CTR9: variants seen among roughly 807,000 people sequenced by gnomAD.
CTR9 encodes the protein RNA polymerase-associated protein CTR9 homolog.
Under a neutral mutation model 152.1 loss-of-function variants are expected in CTR9, and 41 were observed. The ratio of observed to expected loss-of-function variants is 0.27; its 90% CI spans 0.21 to 0.35. The LOEUF (loss-of-function observed/expected upper bound fraction) is 0.35. CTR9 is among the 10% of genes least tolerant of loss of function. The probability of loss-of-function intolerance (pLI) is 1.00; values close to 1 mark genes in which losing one functional copy is unlikely to be tolerated. For synonymous variants in CTR9, 476 were observed against 496.2 expected (o/e 0.96, Z 0.54); for missense variants, 917 against 1,424.4 (o/e 0.64, Z 5.73).
chr11:10,764,278 C>A, intron 10 of CTR9, 30 bp from the exon 11 acceptor site: 2 of 1,613,804 alleles, frequency 1.2e-6, no homozygotes, highest in Non-Finnish European at 1.7e-6. Flanking sequence ...CTTCCACTTA[C>A]ACCTTTTTCT....
At chr11:10,760,457 T>C in intron 6 of CTR9, 136 bp downstream of exon 6, 1 of 770,178 alleles carries the variant, frequency 1.3e-6, no homozygotes, top group South Asian at 2.2e-5. Context: ...CTTTGTAATG[T>C]ATAACACCTA....
Position 10,774,041 on chromosome 11 carries a change from A to AT in CTR9, c.2760dup (p.Val921CysfsTer3). 6.2e-7 allele frequency: 1 copy of AT among 1,612,870 alleles called. No individual in the cohort carries two copies. Among genetic ancestry groups the AT allele is most frequent in the Non-Finnish European group, 8.5e-7 (1 of 1,179,508 alleles). On this transcript the variant is annotated frameshift_variant, in exon 22 of 25. Coordinates refer to ENST00000361367, the MANE Select transcript of CTR9 (RefSeq NM_014633.5). LOFTEE classifies it high-confidence loss of function. The stretch of plus-strand genomic sequence containing the variant: ...CTAAGAAGGGAGGAGAGTTTGATGA[A>AT]TTTGTCAATGATGACACTGATGATG...
chr11:10,761,864 T>C (rs1862983916), intron 6 of CTR9, 83 bp from the exon 7 acceptor site: 6 of 816,238 alleles, frequency 7.4e-6, no homozygotes, highest in South Asian at 3.6e-5. Flanking sequence ...TTATAACTTA[T>C]TTCTTGTGAC....
At chr11:10,776,971 G>GAAAAAAAAAAAA (rs11326865) in intron 24 of CTR9, among the ~76,000 whole-genome samples, 1 of 63,236 alleles carries the variant, frequency 1.6e-5, no homozygotes, top group Non-Finnish European at 2.8e-5. Flanking sequence ...AGACTCTTGT[G>GAAAAAAAAAAAA]AAAAAAAAAA....
intron 7 of CTR9, among the ~76,000 whole-genome samples, chr11:10,762,797 A>G (rs1160804671): frequency 1.3e-5 from 2 of 152,062 alleles, no homozygotes; most frequent in Non-Finnish European, 2.9e-5. Flanking sequence ...TGAGCCCAGG[A>G]GTTCAGGACC....
chr11:10,752,549 C>T (rs1862821509), intron 1 of CTR9, 123 bp from the exon 2 acceptor site: 1 of 674,402 alleles, frequency 1.5e-6, no homozygotes, highest in African/African-American at 1.8e-5. Context: ...ATTAGCTCAA[C>T]CGTATTGAAA....
Position 10,767,658 on chromosome 11 carries a change from C to CAAAA in CTR9, c.1687-140_1687-137dup, listed in dbSNP as rs201006625. 1,087 of 580,126 alleles carry CAAAA rather than the reference C, an allele frequency of 1.9e-3. 12 individuals carry two copies. The African/African-American group carries it at 0.021, about 11-fold the overall frequency. 35.9% of individuals were successfully genotyped at this position (580,126 alleles called of 1,614,324 possible). Reference sequence around the variant, plus strand: ...AGTTCGATAAATTTGGATTGCCATGCAAAAAAAAAAAGAAAGAAAGAAAAG... The same window carrying CAAAA: ...AGTTCGATAAATTTGGATTGCCATGCAAAAAAAAAAAAAAAGAAAGAAAGAAAAG... On this transcript the variant is annotated intron_variant, in intron 13 of 24. Transcript: ENST00000361367. This position sits in a 1 kb window ranked among gnomAD's most constrained non-coding sequence, Gnocchi z 4.0.
chr11:10,751,265 G>A lies in CTR9; in HGVS notation c.-148G>A. The A allele has an allele frequency of 1.3e-6, 1 of 772,546 alleles. No individual in the cohort carries two copies. The allele number at this position is 772,546 out of a possible 1,614,324, so 47.9% of individuals were successfully genotyped here. On this transcript the variant is annotated 5_prime_UTR_variant, in exon 1 of 25. Coordinates refer to ENST00000361367, the MANE Select transcript of CTR9 (RefSeq NM_014633.5). ...CTGCTCGTTGTTTAAGCGGCTGACG[G>A]GAAGGAGAAGCCAGAGCTCCAGCGG...
chr11:10,776,998 C>G (rs980102814), intron 24 of CTR9, among the ~76,000 whole-genome samples: 1 of 117,106 alleles, frequency 8.5e-6, no homozygotes, highest in African/African-American at 3.2e-5. Flanking sequence ...AAAAAAAAAG[C>G]TCACATTATA....
At chr11:10,762,084 T>A in intron 7 of CTR9, 30 bp downstream of exon 7, 1 of 1,410,124 alleles carries the variant, frequency 7.1e-7, no homozygotes, top group Non-Finnish European at 9.8e-7. Context: ...AAATTCTGAT[T>A]TTTGTTTTTC....
intron 1 of CTR9, among the ~76,000 whole-genome samples, chr11:10,752,236 C>T (rs57213042): frequency 0.011 from 1,655 of 152,282 alleles, 25 homozygotes; most frequent in African/African-American, 0.038. Flanking sequence ...CTGTCTGTTA[C>T]ACGCAGGTGC....
intron 5 of CTR9, among the ~76,000 whole-genome samples, chr11:10,759,039 T>C (rs1216720972): frequency 1.3e-5 from 2 of 152,142 alleles, no homozygotes; most frequent in African/African-American, 2.4e-5. Flanking sequence ...TTATTTAAAA[T>C]TGACAAAGTG....
chr11:10,773,898 A>AT (rs1452833337), intron 21 of CTR9, 114 bp from the exon 22 acceptor site: 1 of 749,898 alleles, frequency 1.3e-6, no homozygotes, highest in African/African-American at 1.8e-5. Flanking sequence ...AAAAAAAAAA[A>AT]AAAAATCCTT....
At position 10,764,324 on chromosome 11, in the gene CTR9, A is replaced by G; in HGVS notation, c.1301A>G (p.Tyr434Cys). ...AAAATACAGGGTGCCCTTTCAGCCT[A>G]TGGAACAGCAACACGAATCCTTCAG... Reference protein sequence around the residue: ...QTDIQGALSAYGTATRILQEK... With the variant: ...QTDIQGALSACGTATRILQEK... The change falls in exon 11 of 25, where the codon TAT becomes TGT. Residue 434 changes from tyrosine to cysteine, a missense_variant. Transcript: ENST00000361367. The G allele has an allele frequency of 1.2e-6, 2 of 1,614,116 alleles. No homozygotes were observed. The highest frequency in any genetic ancestry group is 1.7e-6 in the Non-Finnish European group (2 of 1,180,008).
chr11:10,755,028 A>C lies in CTR9; in HGVS notation c.215A>C (p.Asn72Thr). 6.2e-7 allele frequency: 1 copy of C among 1,614,140 alleles called. No individual in the cohort carries two copies. The highest frequency in any genetic ancestry group is 8.5e-7 in the Non-Finnish European group (1 of 1,179,996). Residue 72 changes from asparagine (N) to threonine (T), a missense_variant, in exon 3 of 25, where the codon AAT (asparagine) becomes ACT (threonine). Transcript: ENST00000361367. The part of the protein sequence containing the change: ...KLLEAARIDG[N>T]LDYRDHEKDQ... ...TTGGAAGCAGCACGTATAGATGGCA[A>C]TTTGGACTATAGAGACCATGAAAAA...
Position 10,767,935 on chromosome 11 carries a change from G to C in CTR9, c.1816G>C (p.Ala606Pro). Residue 606 changes from alanine (A) to proline (P), a missense_variant, in exon 14 of 25, where the codon GCC (alanine) becomes CCC (proline). Physicochemically the swap from Ala to Pro is conservative, Grantham distance 27. Around this residue, in one of 9 missense-constraint regions of CTR9, gnomAD observed 87 missense variants for 235.7 expected, o/e 0.37. Coordinates refer to ENST00000361367, the MANE Select transcript of CTR9 (RefSeq NM_014633.5). This position sits in a 1 kb window ranked among gnomAD's most constrained non-coding sequence, Gnocchi z 4.0. ...ACAGAGTGATACCTATTCTATGCTA[G>C]CCCTTGGCAACGTGTGGCTCCAAAC... The part of the protein sequence containing the change: ...STQSDTYSML[A>P]LGNVWLQTLH... 1 of 1,614,126 alleles carries C rather than the reference G, an allele frequency of 6.2e-7. No homozygotes were observed.
At chr11:10,773,317 C>A in intron 21 of CTR9, 44 bp downstream of exon 21, 1 of 1,589,536 alleles carries the variant, frequency 6.3e-7, no homozygotes, top group African/African-American at 1.4e-5. Flanking sequence ...CATTCTCTGT[C>A]TTTTGGCTTT....
At position 10,778,669 on chromosome 11, in the gene CTR9, T is replaced by C; in HGVS notation, c.3096-10T>C. On this transcript the variant is annotated splice_polypyrimidine_tract_variant and intron_variant, in intron 24 of 24. Coordinates refer to ENST00000361367, the MANE Select transcript of CTR9 (RefSeq NM_014633.5). ...ATCCTCAGCTTCTAACCAATGATCA[T>C]CTTTGCCAGACATCCCAGGAACAGC... 2 of 1,604,866 alleles carry C rather than the reference T, an allele frequency of 1.2e-6. No individual in the cohort carries two copies. The highest frequency in any genetic ancestry group is 1.3e-5 in the African/African-American group (1 of 74,904).
intron 18 of CTR9, 64 bp from the exon 19 acceptor site, chr11:10,771,481 T>C: frequency 8.1e-7 from 1 of 1,232,912 alleles, no homozygotes; most frequent in South Asian, 1.2e-5. Context: ...ATTAAATTTT[T>C]TAAGAGCTTT....
Sources: gnomAD v4.1 joint callset for allele counts (sites outside exome capture counted in the v4.1 genomes callset) on GRCh38, gnomAD v4.1.1 for gene constraint, gnomAD v4.1.1 regional missense constraint, Gnocchi (gnomAD v3.1) non-coding constraint, MANE v1.5 for transcripts, NCBI Gene and HGNC (gene_info 2026-07-23, HGNC 2026-07-21) for gene names.